The following ZFYVE16 variants were observed in gnomAD, a reference collection of about 807,000 sequenced individuals.
ZFYVE16 encodes the protein zinc finger FYVE domain-containing protein 16.
In ZFYVE16, 89 loss-of-function variants were observed where a neutral mutation model predicts 138.1. The ratio of observed to expected loss-of-function variants is 0.64; its 90% confidence interval spans 0.54 to 0.77. The LOEUF (loss-of-function observed/expected upper bound fraction) is 0.77. Among genes scored for constraint, ZFYVE16 ranks in the 30% least tolerant of loss-of-function variants. The probability of loss-of-function intolerance (pLI) is 0.00; values close to 1 mark genes in which losing one functional copy is unlikely to be tolerated. For synonymous variants in ZFYVE16, 596 were observed against 618.3 expected (o/e 0.96, Z 0.53); for missense variants, 1,793 against 1,786.7 (o/e 1.00, Z -0.06).
rs772188112 is a variant in ZFYVE16, at chr5:80,437,316, G to A, written c.631G>A (p.Val211Ile). 6.9e-6 allele frequency: 11 copies of A among 1,605,118 alleles called. No individual in the cohort carries two copies. The South Asian group carries it at 1.1e-4, about 16-fold the overall frequency. The change falls in exon 4 of 19, where the codon GTA (valine) becomes ATA (isoleucine). Residue 211 changes from valine (V) to isoleucine (I), a missense_variant. Physicochemically the swap from Val to Ile is conservative, Grantham distance 29. Around this residue, in one of 2 missense-constraint regions of ZFYVE16, gnomAD observed 1,295 missense variants for 1,204.3 expected, o/e 1.08. Transcript: ENST00000505560. ...IGGIKELGIKVDTTLSDSYNY... is the reference protein window; with the variant it reads ...IGGIKELGIKIDTTLSDSYNY... Reference sequence around the variant, plus strand: ...AGGAATCAAAGAATTGGGTATAAAAGTAGATACAACACTTTCAGATTCCTA... The same window carrying A: ...AGGAATCAAAGAATTGGGTATAAAAATAGATACAACACTTTCAGATTCCTA...
In ZFYVE16 at chr5:80,477,449, C is replaced by G. The variant is rs1364654711; in HGVS notation, c.*72C>G. 5.8e-6 allele frequency: 8 copies of G among 1,390,988 alleles called. No individual in the cohort carries two copies. Among genetic ancestry groups the G allele is most frequent in the African/African-American group, 1.5e-5 (1 of 67,464 alleles). 86.2% of individuals were successfully genotyped at this position (1,390,988 alleles called of 1,614,324 possible). On this transcript the variant is annotated 3_prime_UTR_variant, in exon 19 of 19. Coordinates refer to ENST00000505560, the MANE Select transcript of ZFYVE16 (RefSeq NM_001284236.3). Reference sequence around the variant, plus strand: ...TAACTCCAGCACTAAAGCTGAAATGCCACAAACACTAAAAGTATAAATATG... The same window carrying G: ...TAACTCCAGCACTAAAGCTGAAATGGCACAAACACTAAAAGTATAAATATG...
At chr5:80,435,659 C>T (rs1749797307) in intron 3 of ZFYVE16, 1 of 375,528 alleles carries the variant, frequency 2.7e-6, no homozygotes. Flanking sequence ...GCCTTGAATT[C>T]CTGCCCTCAG....
Position 80,456,483 on chromosome 5 carries a change from C to T in ZFYVE16, c.3713C>T (p.Thr1238Ile). The T allele has an allele frequency of 6.2e-7, 1 of 1,612,356 alleles. No homozygotes were observed. Among genetic ancestry groups the T allele is most frequent in the Middle Eastern group, 1.7e-4 (1 of 6,050 alleles). ...TAGGACCTTCGAAATTACCAGTATACCTTGCATAATATAGATCAACTGTTG... is the reference window on the plus strand; with the variant it reads ...TAGGACCTTCGAAATTACCAGTATATCTTGCATAATATAGATCAACTGTTG... ...LLVDLRNYQYTLHNIDQLLIH... is the reference protein window; with the variant it reads ...LLVDLRNYQYILHNIDQLLIH... The change falls in exon 13 of 19, where the codon ACC (threonine) becomes ATC (isoleucine). Residue 1238 changes from threonine to isoleucine, a missense_variant. By Grantham distance (89) the Thr-to-Ile change is moderately conservative (BLOSUM62 -1). Transcript: ENST00000505560.
chr5:80,445,562 C>G (rs1751235287), intron 7 of ZFYVE16, among the ~76,000 whole-genome samples, 157 bp downstream of exon 7: 1 of 150,112 alleles, frequency 6.7e-6, no homozygotes, highest in Admixed American at 6.6e-5. Flanking sequence ...TAGATTTTAC[C>G]CCCTTTAAAA....
chr5:80,439,017 A>G lies in ZFYVE16; in HGVS notation c.2322+10A>G. 6.3e-7 allele frequency: 1 copy of G among 1,592,436 alleles called. No individual in the cohort carries two copies. Among genetic ancestry groups the G allele is most frequent in the South Asian group, 1.1e-5 (1 of 88,052 alleles). ...CCGAGCATGTGGGAAAGTAAGTTAT[A>G]AAAATCTTTTAAGTCTTTTGTTCTT... On this transcript the variant is annotated intron_variant, in intron 4 of 18. Transcript: ENST00000505560.
intron 5 of ZFYVE16, chr5:80,441,602 G>A (rs953001681): frequency 4.1e-6 from 4 of 985,208 alleles, no homozygotes; most frequent in African/African-American, 1.7e-5. Context: ...TGCCATGAAG[G>A]ATTGGAAGAA....
intron 10 of ZFYVE16, among the ~76,000 whole-genome samples, chr5:80,450,952 C>T (rs1261420136): frequency 6.6e-6 from 1 of 151,778 alleles, no homozygotes; most frequent in Non-Finnish European, 1.5e-5. Flanking sequence ...GTTGGGATTA[C>T]AGGCACATGC....
At chr5:80,467,650 A>T (rs1289517554) in intron 15 of ZFYVE16, among the ~76,000 whole-genome samples, 1 of 152,214 alleles carries the variant, frequency 6.6e-6, no homozygotes, top group Non-Finnish European at 1.5e-5. Context: ...AAGAAGACAA[A>T]ATCTGATTTC....
In ZFYVE16 at chr5:80,437,915, A is replaced by G; in HGVS notation, c.1230A>G (p.Ala410=). 1 of 1,614,076 alleles carries G rather than the reference A, an allele frequency of 6.2e-7. No individual in the cohort carries two copies. The highest frequency in any genetic ancestry group is 8.5e-7 in the Non-Finnish European group (1 of 1,179,962). Reference sequence around the variant, plus strand: ...AACATAAAGATAATATACAAGATGCAGTGACTATACATGAAGAAATACAGA... The same window carrying G: ...AACATAAAGATAATATACAAGATGCGGTGACTATACATGAAGAAATACAGA... ...QHEHKDNIQD[A]VTIHEEIQNS... is the part of the protein sequence containing the mutation. Residue 410 remains alanine (A), a synonymous_variant, in exon 4 of 19, where the codon GCA becomes GCG. Coordinates refer to ENST00000505560, the MANE Select transcript of ZFYVE16 (RefSeq NM_001284236.3).
chr5:80,449,515 T>G (rs1366256369), intron 8 of ZFYVE16, 76 bp from the exon 9 acceptor site: 2 of 1,476,904 alleles, frequency 1.4e-6, no homozygotes, highest in Non-Finnish European at 1.8e-6. Flanking sequence ...GGTGGATTTA[T>G]AAATTTGTTT....
At chr5:80,413,846 C>G (rs1262985354) in intron 1 of ZFYVE16, among the ~76,000 whole-genome samples, 1 of 152,160 alleles carries the variant, frequency 6.6e-6, no homozygotes, top group African/African-American at 2.4e-5. Flanking sequence ...CCTCCCCATT[C>G]CCATCCTAAT....
intron 1 of ZFYVE16, among the ~76,000 whole-genome samples, chr5:80,426,767 A>G (rs1465859335): frequency 6.6e-6 from 1 of 152,152 alleles, no homozygotes; most frequent in Admixed American, 6.5e-5. Context: ...TATCTTTATA[A>G]TAGAATGATT....
At position 80,425,315 on chromosome 5, in the gene ZFYVE16, C is replaced by T. The variant is rs146885406; in HGVS notation, c.-93-2177C>T. On this transcript the variant is annotated intron_variant, in intron 1 of 18. Transcript: ENST00000505560. ...TCTTAAGCTCTGCCTAATTTTCAAG[C>T]CCATTTTTAAAGTATCTCTTATTTA... 3.1e-3 allele frequency among the ~76,000 whole-genome samples: 477 copies of T among 152,208 alleles called. 8 individuals carry two copies. Among genetic ancestry groups the T allele is most frequent in the East Asian group, 0.027 (139 of 5,184 alleles).
chr5:80,465,351 A>G (rs1431272012), intron 15 of ZFYVE16, among the ~76,000 whole-genome samples: 3 of 123,750 alleles, frequency 2.4e-5, no homozygotes, highest in Non-Finnish European at 5.1e-5. Context: ...TGAATATGTC[A>G]TTCCACTGTC....
rs867093966 is a variant in ZFYVE16, at chr5:80,443,251, C to T, written c.2548C>T (p.Pro850Ser). 6.2e-7 allele frequency: 1 copy of T among 1,611,194 alleles called. No homozygotes were observed. ...TSSIPSPATL[P>S]VSALKQPGVE... ...CAGTATACCTTCACCAGCAACTTTGCCAGTCTCAGCACTTAAACAACCAGG... is the reference window on the plus strand; with the variant it reads ...CAGTATACCTTCACCAGCAACTTTGTCAGTCTCAGCACTTAAACAACCAGG... Residue 850 changes from proline to serine, a missense_variant, in exon 6 of 19, where the codon CCA becomes TCA. Pro to Ser is a moderately conservative substitution (Grantham distance 74, BLOSUM62 -1). Around this residue, in one of 2 missense-constraint regions of ZFYVE16, gnomAD observed 1,295 missense variants for 1,204.3 expected, o/e 1.08. Transcript: ENST00000505560.
At chr5:80,434,311 T>C in intron 3 of ZFYVE16, 94 bp downstream of exon 3, 1 of 1,335,424 alleles carries the variant, frequency 7.5e-7, no homozygotes, top group Non-Finnish European at 1.1e-6. Context: ...AAAATTTTCT[T>C]TCAATTTTGG....
chr5:80,465,977 G>C, intron 15 of ZFYVE16, among the ~76,000 whole-genome samples: 1 of 151,126 alleles, frequency 6.6e-6, no homozygotes, highest in African/African-American at 2.4e-5. Flanking sequence ...CCAAGCTTGA[G>C]TGCAATGGCG....
At chr5:80,440,851 C>T (rs1214815482) in intron 5 of ZFYVE16, 1 of 985,116 alleles carries the variant, frequency 1.0e-6, no homozygotes, top group Admixed American at 6.2e-5. Flanking sequence ...TTCCTGTTAG[C>T]CAGGGGAATG....
At chr5:80,461,510 T>C (rs1418448938) in intron 15 of ZFYVE16, among the ~76,000 whole-genome samples, 1 of 152,202 alleles carries the variant, frequency 6.6e-6, no homozygotes, top group Non-Finnish European at 1.5e-5. Flanking sequence ...ATACAACAGA[T>C]TGAGTAGCGT....
Sources: gnomAD v4.1 joint callset for allele counts (sites outside exome capture counted in the v4.1 genomes callset) on GRCh38, gnomAD v4.1.1 for gene constraint, gnomAD v4.1.1 regional missense constraint, MANE v1.5 for transcripts, NCBI Gene and HGNC (gene_info 2026-07-23, HGNC 2026-07-21) for gene names.